The following SLC22A24 variants were observed in gnomAD, a reference collection of about 807,000 sequenced individuals.
The protein encoded by SLC22A24 is solute carrier family 22 member 24.
Under a neutral mutation model 49.8 loss-of-function variants are expected in SLC22A24, and 53 were observed. The ratio of observed to expected loss-of-function variants is 1.06; its 90% CI spans 0.85 to 1.34. SLC22A24 has a LOEUF of 1.34. Among genes scored for constraint, SLC22A24 ranks in the 40% most tolerant of loss-of-function variants. SLC22A24 has a pLI of 0.00. For synonymous variants in SLC22A24, 302 were observed against 256.4 expected (o/e 1.18, Z -1.70); for missense variants, 786 against 675.9 (o/e 1.16, Z -1.81).
chr11:63,124,231 G>T (rs1346799952), intron 2 of SLC22A24, among the ~76,000 whole-genome samples: 1 of 152,172 alleles, frequency 6.6e-6, no homozygotes, highest in African/African-American at 2.4e-5. Context: ...GAGCTGGCAA[G>T]ATTTATGATA....
At chr11:63,114,171 T>C (rs776789595) in intron 4 of SLC22A24, among the ~76,000 whole-genome samples, 28 of 152,218 alleles carry the variant, frequency 1.8e-4, no homozygotes, top group Non-Finnish European at 3.5e-4. Flanking sequence ...TCCAACTTGG[T>C]TCCATTCTTT....
chr11:63,131,752 A>T (rs7945372), intron 2 of SLC22A24, among the ~76,000 whole-genome samples: 1 of 151,482 alleles, frequency 6.6e-6, no homozygotes, highest in Non-Finnish European at 1.5e-5. Flanking sequence ...TGACAATTAC[A>T]TGTCTTGGGC....
At chr11:63,132,155 C>T (rs913477716) in intron 2 of SLC22A24, among the ~76,000 whole-genome samples, 21 of 152,206 alleles carry the variant, frequency 1.4e-4, no homozygotes, top group Non-Finnish European at 2.2e-4. Flanking sequence ...CTTTTCTACA[C>T]TGTTTATTTT....
In SLC22A24 at chr11:63,081,588, T is replaced by C. The variant is rs1170367441; in HGVS notation, c.1364A>G (p.His455Arg). ...VSAASNSASV[H>R]HNELVPTILR... ...TATGGTGGGGACGAGCTCGTTGTGG[T>C]GGACAGAAGCACTGTTGCTAGCAGC... The change falls in exon 8 of 10, where the codon CAC (histidine) becomes CGC (arginine). Residue 455 changes from histidine to arginine, a missense_variant. Transcript: ENST00000612278. 9.7e-6 allele frequency: 15 copies of C among 1,551,472 alleles called. No individual in the cohort carries two copies. Among genetic ancestry groups the C allele is most frequent in the South Asian group, 9.5e-5 (8 of 84,060 alleles).
Position 63,098,297 on chromosome 11 carries a change from C to A in SLC22A24, c.955-2191G>T, listed in dbSNP as rs537908849. ...AAATGAAAGTGGACACACAACATACCAAAACCTATGGGACAGAGAGAAAGT... is the reference window on the plus strand; with the variant it reads ...AAATGAAAGTGGACACACAACATACAAAAACCTATGGGACAGAGAGAAAGT... On this transcript the variant is annotated intron_variant, in intron 5 of 9. Coordinates refer to ENST00000612278, the MANE Select transcript of SLC22A24 (RefSeq NM_001136506.2). Among the ~76,000 whole-genome samples, 5 of 152,162 alleles carry A rather than the reference C, an allele frequency of 3.3e-5. No homozygotes were observed. In the East Asian group the frequency reaches 5.8e-4, roughly 18 times the overall value.
chr11:63,083,344 A>G lies in SLC22A24; in HGVS notation c.1184T>C (p.Val395Ala), dbSNP rs770120414. ...CATATGATTCAGTGTCAAAAGGGAA[A>G]CACATCTGGCTGTGAATGTGACAGC... ...CGAVTFTARCVSLLTLNHMGR... is the reference protein window; with the variant it reads ...CGAVTFTARCASLLTLNHMGR... Residue 395 changes from valine to alanine, a missense_variant, in exon 7 of 10, where the codon GTT becomes GCT. Val to Ala is a moderately conservative substitution (Grantham distance 64, BLOSUM62 0). Coordinates refer to ENST00000612278, the MANE Select transcript of SLC22A24 (RefSeq NM_001136506.2). 8 of 1,555,022 alleles carry G rather than the reference A, an allele frequency of 5.1e-6. No individual in the cohort carries two copies. Among genetic ancestry groups the G allele is most frequent in the South Asian group, 2.4e-5 (2 of 84,258 alleles).
chr11:63,113,782 A>C (rs2087192693), intron 4 of SLC22A24, among the ~76,000 whole-genome samples: 1 of 150,734 alleles, frequency 6.6e-6, no homozygotes, highest in Non-Finnish European at 1.5e-5. Flanking sequence ...TGAACCCAGG[A>C]GGCAGAGATT....
At position 63,113,117 on chromosome 11, in the gene SLC22A24, T is replaced by C. The variant is rs866989074; in HGVS notation, c.830+5795A>G. Among the ~76,000 whole-genome samples the C allele has an allele frequency of 3.0e-3, 31 of 10,246 alleles. 11 individuals carry two copies. The highest frequency in any genetic ancestry group is 6.4e-3 in the African/African-American group (22 of 3,452). 6.7% of individuals were successfully genotyped at this position (10,246 alleles called of 152,430 possible). On this transcript the variant is annotated intron_variant, in intron 4 of 9. Coordinates refer to ENST00000612278, the MANE Select transcript of SLC22A24 (RefSeq NM_001136506.2). ...ATATATATATACATATATATACACA[T>C]ATATATATACATATATATATACACA...
Position 63,143,870 on chromosome 11 carries a change from C to T in SLC22A24, c.-91G>A, listed in dbSNP as rs2087434361. 9.0e-7 allele frequency: 1 copy of T among 1,109,592 alleles called. No homozygotes were observed. The highest frequency in any genetic ancestry group is 3.2e-5 in the East Asian group (1 of 31,716). 68.7% of individuals were successfully genotyped at this position (1,109,592 alleles called of 1,614,324 possible). Reference sequence around the variant, plus strand: ...AAAATGTCCCCTTTCACAAAGTTACCATAGTGCCATGTGGATCCTGACACT... The same window carrying T: ...AAAATGTCCCCTTTCACAAAGTTACTATAGTGCCATGTGGATCCTGACACT... On this transcript the variant is annotated 5_prime_UTR_variant, in exon 1 of 10. It removes an upstream start codon present in the reference 5' UTR. Coordinates refer to ENST00000612278, the MANE Select transcript of SLC22A24 (RefSeq NM_001136506.2).
chr11:63,094,572 G>T (rs1205888225), intron 6 of SLC22A24, among the ~76,000 whole-genome samples: 1 of 152,060 alleles, frequency 6.6e-6, no homozygotes, highest in African/African-American at 2.4e-5. Flanking sequence ...TTCCACAATG[G>T]TTAAACTAGT....
intron 1 of SLC22A24, among the ~76,000 whole-genome samples, chr11:63,141,416 G>C (rs1019635709): frequency 3.9e-5 from 6 of 152,302 alleles, no homozygotes; most frequent in African/African-American, 1.2e-4. Flanking sequence ...CCCTCCATCG[G>C]AGTAAAGGAT....
intron 2 of SLC22A24, among the ~76,000 whole-genome samples, chr11:63,125,114 TAAAA>T (rs72251308): frequency 0.77 from 116,856 of 151,304 alleles, 46,839 homozygotes; most frequent in East Asian, 0.9. Flanking sequence ...AATACAAAAA[TAAAA>T]AAAAACAAAA....
intron 6 of SLC22A24, among the ~76,000 whole-genome samples, chr11:63,092,529 C>CATGGTACTGATATATATCT (rs71065332): frequency 1.2e-4 from 2 of 16,888 alleles, no homozygotes; most frequent in African/African-American, 2.2e-4. Flanking sequence ...ACCAAAACAG[C>CATGGTACTGATATATATCT]ATAACACCGC....
intron 2 of SLC22A24, among the ~76,000 whole-genome samples, chr11:63,128,221 C>T (rs1034175377): frequency 5.9e-5 from 9 of 151,962 alleles, no homozygotes; most frequent in Admixed American, 2.0e-4. Flanking sequence ...TGAAGGGTCA[C>T]GGTGAGAAGT....
rs1450032305 is a variant in SLC22A24 at position 63,143,424 on chromosome 11, C to A, written c.356G>T (p.Gly119Val). Residue 119 changes from glycine to valine, a missense_variant, in exon 1 of 10, where the codon GGC becomes GTC. Coordinates refer to ENST00000612278, the MANE Select transcript of SLC22A24 (RefSeq NM_001136506.2). The part of the protein sequence containing the change: ...NEPDTEPCVD[G>V]WVYDRSSFLS... Reference sequence around the variant, plus strand: ...GAAAGAGCTTCTGTCGTACACCCAGCCATCCACACAGGGCTCCGTGTCTGG... The same window carrying A: ...GAAAGAGCTTCTGTCGTACACCCAGACATCCACACAGGGCTCCGTGTCTGG... 8 of 1,532,220 alleles carry A rather than the reference C, an allele frequency of 5.2e-6. No homozygotes were observed. The highest frequency in any genetic ancestry group is 7.0e-6 in the Non-Finnish European group (8 of 1,145,098). The allele number at this position is 1,532,220 out of a possible 1,614,324, so 94.9% of individuals were successfully genotyped here. A position where few individuals can be genotyped will look rare whatever the true frequency, so the allele number is the denominator to read the frequency against.
Position 63,096,083 on chromosome 11 carries a change from C to A in SLC22A24, c.978G>T (p.Lys326Asn). 1 of 1,550,376 alleles carries A rather than the reference C, an allele frequency of 6.5e-7. No individual in the cohort carries two copies. Among genetic ancestry groups the A allele is most frequent in the Non-Finnish European group, 8.7e-7 (1 of 1,145,990 alleles). The part of the protein sequence containing the change: ...TTELVRSTMK[K>N]ELDAVRIKTS... ...TTTTAATTCGGACTGCATCCAACTC[C>A]TTCTTCATGGTGGATCTCACAAGCT... Residue 326 changes from lysine to asparagine, a missense_variant, in exon 6 of 10, where the codon AAG (lysine) becomes AAT (asparagine). Coordinates refer to ENST00000612278, the MANE Select transcript of SLC22A24 (RefSeq NM_001136506.2).
In SLC22A24 at chr11:63,119,201, A is replaced by G; in HGVS notation, c.641T>C (p.Leu214Ser). Reference sequence around the variant, plus strand: ...CTTACTGAGAATAAAAGTGTTTCCCAAAATAGTCATGGTGGAGAACCCTGC... The same window carrying G: ...CTTACTGAGAATAAAAGTGTTTCCCGAAATAGTCATGGTGGAGAACCCTGC... ...FLAGFSTMTI[L>S]GNTFILSLEW... Residue 214 changes from leucine (L) to serine (S), a missense_variant, in exon 3 of 10, where the codon TTG becomes TCG. By Grantham distance (145) the Leu-to-Ser change is moderately radical (BLOSUM62 -2). Transcript: ENST00000612278. 1 of 1,544,426 alleles carries G rather than the reference A, an allele frequency of 6.5e-7. No homozygotes were observed. Among genetic ancestry groups the G allele is most frequent in the Non-Finnish European group, 8.7e-7 (1 of 1,144,788 alleles).
intron 1 of SLC22A24, among the ~76,000 whole-genome samples, chr11:63,142,861 C>T (rs954477443): frequency 6.6e-6 from 1 of 152,110 alleles, no homozygotes; most frequent in African/African-American, 2.4e-5. Flanking sequence ...AACTCTGCTC[C>T]CCGAATGCTC....
At chr11:63,107,012 A>G (rs951131234) in intron 4 of SLC22A24, among the ~76,000 whole-genome samples, 7 of 152,184 alleles carry the variant, frequency 4.6e-5, no homozygotes, top group African/African-American at 1.7e-4. Context: ...GCCCATGCCT[A>G]TGACCTGAAT....
Sources: allele counts gnomAD v4.1 joint callset (sites outside exome capture counted in the v4.1 genomes callset), GRCh38; gene constraint gnomAD v4.1.1; transcripts MANE v1.5; gene names NCBI Gene and HGNC (gene_info 2026-07-23, HGNC 2026-07-21).